The following LRRN1 variants were observed in gnomAD, a reference collection of about 807,000 sequenced individuals.
LRRN1 encodes leucine rich repeat neuronal 1.
Under a neutral mutation model 45.8 loss-of-function variants are expected in LRRN1, and 14 were observed. The ratio of observed to expected loss-of-function variants is 0.31; its 90% confidence interval spans 0.20 to 0.48. The LOEUF (loss-of-function observed/expected upper bound fraction) is 0.48. Among genes scored for constraint, LRRN1 ranks in the 20% least tolerant of loss-of-function variants. LRRN1 has a pLI of 0.99. For missense variants in LRRN1, 789 were observed against 874.2 expected (o/e 0.90, Z 1.23); for synonymous variants, 359 against 330.1 (o/e 1.09, Z -0.95).
rs898544782 is a variant in LRRN1 at position 3,847,734 on chromosome 3, T to G, written c.*942T>G. On this transcript the variant is annotated 3_prime_UTR_variant, in exon 2 of 2. Transcript: ENST00000319331. The stretch of plus-strand genomic sequence containing the variant: ...GCTGTAGCATGTTGCTTTTTAAAGC[T>G]AGGCCCTAAAAGGTTTTAATTCTTT... The G allele has an allele frequency of 3.6e-5, 6 of 166,688 alleles. No homozygotes were observed. Among genetic ancestry groups the G allele is most frequent in the African/African-American group, 1.4e-4 (6 of 41,448 alleles). 10.3% of individuals were successfully genotyped at this position (166,688 alleles called of 1,614,324 possible). A position where few individuals can be genotyped will look rare whatever the true frequency, so the allele number is the denominator to read the frequency against.
chr3:3,832,295 T>TTCTCA (rs1359147142), intron 1 of LRRN1, among the ~76,000 whole-genome samples: 1 of 152,216 alleles, frequency 6.6e-6, no homozygotes, highest in Non-Finnish European at 1.5e-5. Context: ...CATTTGGCCT[T>TTCTCA]TCTCACCATA....
intron 1 of LRRN1, among the ~76,000 whole-genome samples, chr3:3,824,949 C>G (rs531433831): frequency 6.6e-6 from 1 of 152,070 alleles, no homozygotes; most frequent in African/African-American, 2.4e-5. Flanking sequence ...CTACCTTTCA[C>G]AGTTTGCGCA....
At chr3:3,810,699 G>A (rs1419211848) in intron 1 of LRRN1, among the ~76,000 whole-genome samples, 3 of 152,110 alleles carry the variant, frequency 2.0e-5, no homozygotes, top group Non-Finnish European at 4.4e-5. Flanking sequence ...AAAGCAAGAT[G>A]TTGTCTCTTT....
chr3:3,846,565 G>A lies in LRRN1; in HGVS notation c.1924G>A (p.Val642Ile), dbSNP rs748127160. The change falls in exon 2 of 2, where the codon GTC becomes ATC. Residue 642 changes from valine (V) to isoleucine (I), a missense_variant. Transcript: ENST00000319331. This position sits in a 1 kb window ranked among gnomAD's most constrained non-coding sequence, Gnocchi z 5.7. ...LAAVMGSMFA[V>I]ISLASIAVYF... ...TGCAGTAATGGGGTCTATGTTTGCC[G>A]TCATTAGCCTTGCGTCCATTGCTGT... 41 of 1,613,952 alleles carry A rather than the reference G, an allele frequency of 2.5e-5. No homozygotes were observed. The highest frequency in any genetic ancestry group is 1.2e-4 in the Admixed American group (7 of 59,992).
rs1335787153 is a variant in LRRN1 at position 3,816,006 on chromosome 3, G to T, written c.-279+16087G>T. 6.6e-6 allele frequency among the ~76,000 whole-genome samples: 1 copy of T among 152,102 alleles called. No homozygotes were observed. ...TTTCTATTAGAAAAATAGGAGGTAA[G>T]CCAATAAAGATGATCTTATCATAGC... On this transcript the variant is annotated intron_variant, in intron 1 of 1. Transcript: ENST00000319331. This position sits in a 1 kb window ranked among gnomAD's most constrained non-coding sequence, Gnocchi z 4.0.
intron 1 of LRRN1, among the ~76,000 whole-genome samples, chr3:3,828,305 G>A (rs968055617): frequency 6.6e-6 from 1 of 152,048 alleles, no homozygotes; most frequent in East Asian, 1.9e-4. Flanking sequence ...GGGGTCTGAT[G>A]TTCCAGGGCA....
intron 1 of LRRN1, among the ~76,000 whole-genome samples, chr3:3,834,522 C>T (rs1207566913): frequency 3.3e-4 from 1 of 3,014 alleles, no homozygotes; most frequent in Non-Finnish European, 1.4e-3. Flanking sequence ...AGGGACAGAA[C>T]AGGATATATA....
Position 3,845,054 on chromosome 3 carries a change from G to C in LRRN1, c.413G>C (p.Cys138Ser). The C allele has an allele frequency of 6.2e-7, 1 of 1,614,108 alleles. No individual in the cohort carries two copies. Among genetic ancestry groups the C allele is most frequent in the Non-Finnish European group, 8.5e-7 (1 of 1,180,016 alleles). The stretch of plus-strand genomic sequence containing the variant: ...CAGATTACCGAGATGACTGATTACT[G>C]TCTACAAGACCTCAGCAACCTTCAA... ...ENQITEMTDY[C>S]LQDLSNLQEL... The change falls in exon 2 of 2, where the codon TGT becomes TCT. Residue 138 changes from cysteine (C) to serine (S), a missense_variant. Transcript: ENST00000319331. This position sits in a 1 kb window ranked among gnomAD's most constrained non-coding sequence, Gnocchi z 6.5.
At chr3:3,812,812 T>TAAATAA (rs1692904719) in intron 1 of LRRN1, among the ~76,000 whole-genome samples, 1 of 121,524 alleles carries the variant, frequency 8.2e-6, no homozygotes, top group African/African-American at 3.1e-5. Context: ...ATCTTGGTTG[T>TAAATAA]AAAAAAAAAA....
chr3:3,834,564 T>TATATATATATGATATATA (rs1406987073), intron 1 of LRRN1, among the ~76,000 whole-genome samples: 3 of 110,390 alleles, frequency 2.7e-5, no homozygotes, highest in South Asian at 5.7e-4. Context: ...GATATATATA[T>TATATATATATGATATATA]TATTATACAT....
At position 3,844,632 on chromosome 3, in the gene LRRN1, G is replaced by T; in HGVS notation, c.-10G>T. On this transcript the variant is annotated 5_prime_UTR_variant, in exon 2 of 2. Transcript: ENST00000319331. The stretch of plus-strand genomic sequence containing the variant: ...GGGTGTCAGGAGTTGAGCTTGCTCA[G>T]CAAGCCAGCATGGCTAGGATGAGCT... 6.2e-7 allele frequency: 1 copy of T among 1,600,082 alleles called. No individual in the cohort carries two copies. Among genetic ancestry groups the T allele is most frequent in the Non-Finnish European group, 8.5e-7 (1 of 1,171,516 alleles).
rs879526155 is a variant in LRRN1, at chr3:3,844,374, A to G, written c.-268A>G. The G allele has an allele frequency of 2.6e-6, 1 of 390,596 alleles. No homozygotes were observed. The highest frequency in any genetic ancestry group is 4.6e-6 in the Non-Finnish European group (1 of 218,128). The allele number at this position is 390,596 out of a possible 1,614,324, so 24.2% of individuals were successfully genotyped here. A position where few individuals can be genotyped will look rare whatever the true frequency, so the allele number is the denominator to read the frequency against. ...TAATCTAATTTTCAGGCACATCTCC[A>G]GACTTCAATTTGGCTGAAATAATTC... On this transcript the variant is annotated 5_prime_UTR_variant, in exon 2 of 2. Transcript: ENST00000319331.
chr3:3,844,828 T>C lies in LRRN1; in HGVS notation c.187T>C (p.Leu63=). The change falls in exon 2 of 2, where the codon TTA becomes CTA. Residue 63 remains leucine, a synonymous_variant. Transcript: ENST00000319331. ...ATTVDCNDLR[L]TRIPSNLSSD... ...CACTGTTGATTGCAATGACCTCCGC[T>C]TAACAAGGATTCCCAGTAACCTCTC... The C allele has an allele frequency of 6.2e-7, 1 of 1,614,166 alleles. No homozygotes were observed. Among genetic ancestry groups the C allele is most frequent in the Non-Finnish European group, 8.5e-7 (1 of 1,180,012 alleles).
intron 1 of LRRN1, chr3:3,823,043 C>T (rs984224288): frequency 2.6e-5 from 4 of 152,122 alleles, no homozygotes; most frequent in African/African-American, 9.7e-5. Flanking sequence ...TCTGTGGCAC[C>T]CAAGCTATTC....
chr3:3,824,453 T>A (rs711574), intron 1 of LRRN1, among the ~76,000 whole-genome samples: 98,034 of 151,928 alleles, frequency 0.65, 33,420 homozygotes, highest in Non-Finnish European at 0.77. Context: ...AATTTGGCTG[T>A]GCTTATACAG....
intron 1 of LRRN1, among the ~76,000 whole-genome samples, chr3:3,805,015 C>A (rs1692725329): frequency 6.6e-6 from 1 of 152,158 alleles, no homozygotes; most frequent in Non-Finnish European, 1.5e-5. Flanking sequence ...CAATGCCTAA[C>A]CTCTTCAGGA....
At chr3:3,835,471 A>G (rs9819846) in intron 1 of LRRN1, among the ~76,000 whole-genome samples, 49,011 of 152,004 alleles carry the variant, frequency 0.32, 9,171 homozygotes, top group East Asian at 0.6. Flanking sequence ...CAGTTGGGGA[A>G]GGTCTACAGC....
chr3:3,803,122 C>G (rs1692689620), intron 1 of LRRN1, among the ~76,000 whole-genome samples: 1 of 152,230 alleles, frequency 6.6e-6, no homozygotes, highest in Non-Finnish European at 1.5e-5. Context: ...CAAGGAAAAA[C>G]TCAACCATTG....
intron 1 of LRRN1, among the ~76,000 whole-genome samples, chr3:3,828,823 T>C (rs934788641): frequency 6.6e-6 from 1 of 152,190 alleles, no homozygotes. Flanking sequence ...AACGTGTTTT[T>C]AACAAGGAGG....
Sources: allele counts gnomAD v4.1 joint callset (sites outside exome capture counted in the v4.1 genomes callset), GRCh38; gene constraint gnomAD v4.1.1; non-coding constraint Gnocchi (gnomAD v3.1); transcripts MANE v1.5; gene names NCBI Gene and HGNC (gene_info 2026-07-23, HGNC 2026-07-21).